The following SUCLG1 variants were observed in gnomAD, a reference collection of about 807,000 sequenced individuals.
The protein encoded by SUCLG1 is succinate-CoA ligase GDP/ADP-forming subunit alpha.
A neutral mutation model predicts 37.3 loss-of-function variants in SUCLG1; 26 were observed. The ratio of observed to expected loss-of-function variants is 0.70; its 90% CI spans 0.51 to 0.97. The LOEUF (loss-of-function observed/expected upper bound fraction) is 0.97, where lower values mean the gene tolerates loss of function less well. SUCLG1 is among the 50% of genes least tolerant of loss of function. The probability of loss-of-function intolerance (pLI) is 0.00; values close to 1 mark genes in which losing one functional copy is unlikely to be tolerated. For synonymous variants in SUCLG1, 163 were observed against 155.6 expected (o/e 1.05, Z -0.36); for missense variants, 433 against 432.9 (o/e 1.00, Z 0.00).
At chr2:84,443,709 CCCA>C (rs1415156918) in intron 2 of SUCLG1, among the ~76,000 whole-genome samples, 1 of 152,194 alleles carries the variant, frequency 6.6e-6, no homozygotes, top group African/African-American at 2.4e-5. Flanking sequence ...TCATTACCCT[CCCA>C]CAACAATCTT....
Position 84,443,316 on chromosome 2 carries a change from G to T in SUCLG1, c.286C>A (p.Leu96Met), listed in dbSNP as rs764918685. Reference protein sequence around the residue: ...TTPGKGGQTHLGLPVFNTVKE... With the variant: ...TTPGKGGQTHMGLPVFNTVKE... ...ACAGTATTAAAGACAGGTAAGCCCA[G>T]ATGTGTCTGGCCTCCTTTCCCTGGA... Residue 96 changes from leucine to methionine, a missense_variant, in exon 3 of 9, where the codon CTG becomes ATG. Coordinates refer to ENST00000393868, the MANE Select transcript of SUCLG1 (RefSeq NM_003849.4). The T allele has an allele frequency of 6.2e-6, 10 of 1,614,036 alleles. No homozygotes were observed. The highest frequency in any genetic ancestry group is 1.3e-5 in the African/African-American group (1 of 74,924).
intron 1 of SUCLG1, among the ~76,000 whole-genome samples, chr2:84,458,102 T>A (rs901146115): frequency 2.6e-5 from 4 of 151,904 alleles, no homozygotes; most frequent in Admixed American, 1.3e-4. Context: ...AGATGCTTTA[T>A]ATAAATTGCT....
intron 2 of SUCLG1, among the ~76,000 whole-genome samples, chr2:84,449,397 T>A (rs989822031): frequency 6.6e-6 from 1 of 152,130 alleles, no homozygotes; most frequent in Non-Finnish European, 1.5e-5. Flanking sequence ...TGAAAGAAAG[T>A]GTATGGGCCT....
In SUCLG1 at chr2:84,449,678, T is replaced by G; in HGVS notation, c.172A>C (p.Ile58Leu). The change falls in exon 2 of 9, where the codon ATT becomes CTT. Residue 58 changes from isoleucine (I) to leucine (L), a missense_variant. Transcript: ENST00000393868. ...TTGCCAGTGAAACCCTGGCAAATAA[T>G]CTTTGTATTTTTATCAACATAGAGA... is the stretch of plus-strand genomic sequence containing the variant. ...QHLYVDKNTK[I>L]ICQGFTGKQG... is the part of the protein sequence containing the mutation. The G allele has an allele frequency of 5.0e-6, 8 of 1,602,568 alleles. No homozygotes were observed. Among genetic ancestry groups the G allele is most frequent in the Non-Finnish European group, 6.0e-6 (7 of 1,175,118 alleles).
chr2:84,442,228 T>C (rs1422768925), intron 3 of SUCLG1, among the ~76,000 whole-genome samples: 6 of 149,728 alleles, frequency 4.0e-5, no homozygotes, highest in Middle Eastern at 3.5e-3. Flanking sequence ...AGAGGAATTG[T>C]AAAAAAACAT....
intron 7 of SUCLG1, among the ~76,000 whole-genome samples, chr2:84,429,115 T>C (rs1191880611): frequency 1.3e-5 from 2 of 152,202 alleles, no homozygotes; most frequent in African/African-American, 2.4e-5. Flanking sequence ...ACACCAAGTA[T>C]TACACTAGGC....
intron 7 of SUCLG1, 80 bp downstream of exon 7, chr2:84,431,428 T>A: frequency 6.3e-7 from 1 of 1,590,410 alleles, no homozygotes; most frequent in Non-Finnish European, 8.6e-7. Context: ...AAATTCACCT[T>A]TGAAAAAATA....
In SUCLG1 at chr2:84,434,496, G is replaced by A. The variant is rs77446329; in HGVS notation, c.590-1061C>T. Among the ~76,000 whole-genome samples, 931 of 152,280 alleles carry A rather than the reference G, an allele frequency of 6.1e-3. 24 individuals carry two copies. The East Asian group carries it at 0.081, about 13-fold the overall frequency. On this transcript the variant is annotated intron_variant, in intron 5 of 8. Coordinates refer to ENST00000393868, the MANE Select transcript of SUCLG1 (RefSeq NM_003849.4). The stretch of plus-strand genomic sequence containing the variant: ...CAGTGGGGGCCAGGGAGGAGTGACA[G>A]TTAGATGTCTTCTCTTGTAGTTTAC...
At chr2:84,437,876 A>G (rs1049481556) in intron 5 of SUCLG1, among the ~76,000 whole-genome samples, 8 of 152,246 alleles carry the variant, frequency 5.3e-5, no homozygotes, top group Non-Finnish European at 1.2e-4. Context: ...AATACTCCTC[A>G]GTAATAAAAA....
intron 7 of SUCLG1, among the ~76,000 whole-genome samples, chr2:84,430,221 A>G (rs757738616): frequency 3.3e-5 from 5 of 152,180 alleles, no homozygotes; most frequent in Non-Finnish European, 7.3e-5. Flanking sequence ...GCTCAGTAAG[A>G]GTGCTTACTA....
At chr2:84,425,989 T>C (rs1265316928) in intron 7 of SUCLG1, 3 of 299,782 alleles carry the variant, frequency 1.0e-5, no homozygotes, top group African/African-American at 6.6e-5. Flanking sequence ...AATTCATTAT[T>C]AGTTCACCCT....
chr2:84,428,006 T>G (rs1478633601), intron 7 of SUCLG1, among the ~76,000 whole-genome samples: 1 of 152,222 alleles, frequency 6.6e-6, no homozygotes, highest in Non-Finnish European at 1.5e-5. Flanking sequence ...CCCACTAAGA[T>G]GCAGCATGCA....
intron 2 of SUCLG1, 137 bp from the exon 3 acceptor site, chr2:84,443,537 C>G: frequency 1.2e-6 from 1 of 806,652 alleles, no homozygotes; most frequent in Non-Finnish European, 2.1e-6. Flanking sequence ...ATTTACTAAA[C>G]ATAGCTTTGA....
chr2:84,424,330 T>C (rs1415489186), intron 8 of SUCLG1, among the ~76,000 whole-genome samples: 3 of 152,210 alleles, frequency 2.0e-5, no homozygotes, highest in African/African-American at 7.2e-5. Context: ...TAGGATAAAA[T>C]GTGTAGATCC....
chr2:84,430,853 C>T (rs1032881298), intron 7 of SUCLG1, among the ~76,000 whole-genome samples: 1 of 152,140 alleles, frequency 6.6e-6, no homozygotes, highest in African/African-American at 2.4e-5. Flanking sequence ...TGGTGGCCAC[C>T]ACACTGCTTC....
Position 84,459,236 on chromosome 2 carries a change from C to A in SUCLG1, c.34G>T (p.Ala12Ser), listed in dbSNP as rs750383306. The A allele has an allele frequency of 1.9e-5, 29 of 1,550,594 alleles. No homozygotes were observed. Among genetic ancestry groups the A allele is most frequent in the African/African-American group, 2.7e-5 (2 of 73,036 alleles). ...CCGCTGCTGCCGGAGACCATGGTAG[C>A]GATGTCAGCGGCAGCGGCAAGGGTT... Reference protein sequence around the residue: ...TATLAAAADIATMVSGSSGLA... With the variant: ...TATLAAAADISTMVSGSSGLA... The change falls in exon 1 of 9, where the codon GCT becomes TCT. Residue 12 changes from alanine to serine, a missense_variant. By Grantham distance (99) the Ala-to-Ser change is moderately conservative. Coordinates refer to ENST00000393868, the MANE Select transcript of SUCLG1 (RefSeq NM_003849.4).
At chr2:84,454,327 C>A (rs528847083) in intron 1 of SUCLG1, among the ~76,000 whole-genome samples, 1 of 152,176 alleles carries the variant, frequency 6.6e-6, no homozygotes, top group Non-Finnish European at 1.5e-5. Context: ...TTTGTAAAGG[C>A]GCAGCCCTCA....
At chr2:84,427,979 G>A (rs563504035) in intron 7 of SUCLG1, among the ~76,000 whole-genome samples, 4 of 152,206 alleles carry the variant, frequency 2.6e-5, no homozygotes, top group Admixed American at 6.5e-5. Flanking sequence ...ACTCTGGTTC[G>A]ACTGACTGCC....
intron 1 of SUCLG1, among the ~76,000 whole-genome samples, chr2:84,457,777 T>G (rs1673045719): frequency 6.6e-6 from 1 of 152,178 alleles, no homozygotes; most frequent in African/African-American, 2.4e-5. Flanking sequence ...TCATTCTTGG[T>G]GCTCAAACTT....
Sources: allele counts gnomAD v4.1 joint callset (sites outside exome capture counted in the v4.1 genomes callset), GRCh38; gene constraint gnomAD v4.1.1; transcripts MANE v1.5; gene names NCBI Gene and HGNC (gene_info 2026-07-23, HGNC 2026-07-21).